The following CCSER2 variants were observed in gnomAD, a reference collection of about 807,000 sequenced individuals.
CCSER2 encodes serine-rich coiled-coil domain-containing protein 2.
Under a neutral mutation model 92.3 loss-of-function variants are expected in CCSER2, and 46 were observed. The ratio of observed to expected loss-of-function variants is 0.50; its 90% confidence interval spans 0.39 to 0.64. CCSER2 has a LOEUF of 0.64. Among genes scored for constraint, CCSER2 ranks in the 30% least tolerant of loss-of-function variants. The probability of loss-of-function intolerance (pLI) is 0.00; values close to 1 mark genes in which losing one functional copy is unlikely to be tolerated. For synonymous variants in CCSER2, 433 were observed against 431.4 expected (o/e 1.00, Z -0.04); for missense variants, 1,244 against 1,238.9 (o/e 1.00, Z -0.06).
chr10:84,423,564 C>T (rs1462665297), intron 4 of CCSER2, among the ~76,000 whole-genome samples: 1 of 152,176 alleles, frequency 6.6e-6, no homozygotes, highest in Non-Finnish European at 1.5e-5. Flanking sequence ...GCTTCTTCCT[C>T]TGTGTGGACT....
chr10:84,344,196 T>C (rs1022015189), intron 1 of CCSER2, among the ~76,000 whole-genome samples: 1 of 152,218 alleles, frequency 6.6e-6, no homozygotes, highest in African/African-American at 2.4e-5. Flanking sequence ...TAATAGTAGA[T>C]CTTAGATAGG....
chr10:84,443,483 C>T (rs1434291764), intron 6 of CCSER2, among the ~76,000 whole-genome samples: 1 of 152,152 alleles, frequency 6.6e-6, no homozygotes, highest in African/African-American at 2.4e-5. Flanking sequence ...CATTAAAAGT[C>T]AGGAGACAAC....
chr10:84,457,253 ATATAAAATATATTATATATAATATATT>A (rs1564684237), intron 6 of CCSER2, among the ~76,000 whole-genome samples: 74 of 41,130 alleles, frequency 1.8e-3, no homozygotes, highest in African/African-American at 5.7e-3. Flanking sequence ...ATTATATATT[ATATAAAATATATTATATATAATATATT>A]ATATATTATA....
Position 84,355,861 on chromosome 10 carries a change from T to G in CCSER2, c.-39-15153T>G, listed in dbSNP as rs1845139174. 3.9e-5 allele frequency among the ~76,000 whole-genome samples: 6 copies of G among 152,208 alleles called. No individual in the cohort carries two copies. The South Asian group carries it at 1.2e-3, about 32-fold the overall frequency. On this transcript the variant is annotated intron_variant, in intron 1 of 9. Transcript: ENST00000372088. ...CTCACGCCTGTAATCCCAGCACTTT[T>G]GGAGGCTGAGGTGGGTGGATCACCT...
chr10:84,416,296 C>G (rs1842883506), intron 3 of CCSER2, among the ~76,000 whole-genome samples: 1 of 152,122 alleles, frequency 6.6e-6, no homozygotes, highest in Admixed American at 6.5e-5. Context: ...GTGTGAGAAC[C>G]TGGATATTTC....
At chr10:84,409,064 C>G (rs989922113) in intron 3 of CCSER2, among the ~76,000 whole-genome samples, 1 of 152,072 alleles carries the variant, frequency 6.6e-6, no homozygotes, top group East Asian at 1.9e-4. Flanking sequence ...GATCTCGGCT[C>G]ACTGCAACCT....
intron 7 of CCSER2, among the ~76,000 whole-genome samples, chr10:84,469,125 A>C (rs964324124): frequency 6.6e-6 from 1 of 152,174 alleles, no homozygotes; most frequent in South Asian, 2.1e-4. Context: ...TGCATGGATT[A>C]TCAATAGCTT....
In CCSER2 at chr10:84,340,780, T is replaced by C. The variant is rs533692678; in HGVS notation, c.-40+11972T>C. 7.9e-5 allele frequency among the ~76,000 whole-genome samples: 12 copies of C among 152,258 alleles called. 1 individual carries two copies. In the South Asian group the frequency reaches 2.5e-3, roughly 32 times the overall value. On this transcript the variant is annotated intron_variant, in intron 1 of 9. Coordinates refer to ENST00000372088, the MANE Select transcript of CCSER2 (RefSeq NM_001284240.2). ...ATCTTACAAGTTATTTAGGTTTCTC[T>C]GTAGTATCTGTAGGTCTTACTTCTA...
In CCSER2 at chr10:84,438,426, ATCAC is replaced by A. The variant is rs1362595179; in HGVS notation, c.1869-84_1869-81del. 9.0e-6 allele frequency: 7 copies of A among 774,518 alleles called. No individual in the cohort carries two copies. In the African/African-American group the frequency reaches 1.2e-4, roughly 13 times the overall value. The allele number at this position is 774,518 out of a possible 1,614,324, so 48.0% of individuals were successfully genotyped here. On this transcript the variant is annotated intron_variant, in intron 5 of 9. Transcript: ENST00000372088. The stretch of plus-strand genomic sequence containing the variant: ...TGATAATGATAAGTGATTTGTAATA[ATCAC>A]TGCAATAATTTCATTATCTTTATTT...
intron 1 of CCSER2, among the ~76,000 whole-genome samples, chr10:84,341,900 G>T (rs990629189): frequency 3.9e-5 from 6 of 152,228 alleles, no homozygotes; most frequent in East Asian, 3.8e-4. Flanking sequence ...ATGGAAAGGG[G>T]CATGGAGCTT....
At chr10:84,383,840 A>G (rs80128099) in intron 3 of CCSER2, among the ~76,000 whole-genome samples, 12 of 152,354 alleles carry the variant, frequency 7.9e-5, no homozygotes, top group South Asian at 2.1e-4. Context: ...AAAATGATCA[A>G]TGAAATGAAA....
intron 9 of CCSER2, among the ~76,000 whole-genome samples, chr10:84,510,422 C>T (rs1473101134): frequency 1.3e-5 from 2 of 152,146 alleles, no homozygotes; most frequent in Non-Finnish European, 2.9e-5. Context: ...CTTATTGTCT[C>T]CCTCACTAAG....
chr10:84,328,843 G>T, intron 1 of CCSER2, 35 bp downstream of exon 1: 1 of 152,368 alleles, frequency 6.6e-6, no homozygotes, highest in South Asian at 1.9e-4. Context: ...GCCGGGGCCG[G>T]GGTCGCGGCG....
intron 1 of CCSER2, among the ~76,000 whole-genome samples, chr10:84,352,738 G>A (rs1298528731): frequency 1.3e-5 from 2 of 151,768 alleles, no homozygotes; most frequent in Non-Finnish European, 2.9e-5. Context: ...TGTGAAATGG[G>A]AATAAATATA....
chr10:84,455,535 C>G (rs1845565784), intron 6 of CCSER2: 10 of 361,294 alleles, frequency 2.8e-5, no homozygotes, highest in South Asian at 2.4e-4. Flanking sequence ...CTCAGCCTCC[C>G]AAAGTGCTGG....
intron 6 of CCSER2, among the ~76,000 whole-genome samples, chr10:84,439,937 G>A (rs1312887368): frequency 6.6e-6 from 1 of 152,082 alleles, no homozygotes; most frequent in African/African-American, 2.4e-5. Context: ...GAGGTGGTAG[G>A]GAATGGTGGG....
chr10:84,511,426 C>T (rs1849340968), intron 9 of CCSER2, among the ~76,000 whole-genome samples: 1 of 152,132 alleles, frequency 6.6e-6, no homozygotes, highest in Admixed American at 6.6e-5. Context: ...CAGTTTATTA[C>T]CTGTCTTAAT....
Position 84,372,461 on chromosome 10 carries a change from G to A in CCSER2, c.1409G>A (p.Ser470Asn), listed in dbSNP as rs758580416. The change falls in exon 2 of 10, where the codon AGT becomes AAT. Residue 470 changes from serine (S) to asparagine (N), a missense_variant. By Grantham distance (46) the Ser-to-Asn change is conservative (BLOSUM62 1). Transcript: ENST00000372088. ...AAAACTGATGAATGGATAGATATAA[G>A]TGTCTCTGGTAAATATTACTTACCT... ...FSKTDEWIDI[S>N]VSDRSECTKH... is the part of the protein sequence containing the mutation. 17 of 1,542,404 alleles carry A rather than the reference G, an allele frequency of 1.1e-5. No homozygotes were observed. In the South Asian group the frequency reaches 1.6e-4, roughly 15 times the overall value.
chr10:84,412,853 T>C (rs1842721430), intron 3 of CCSER2, among the ~76,000 whole-genome samples: 1 of 152,232 alleles, frequency 6.6e-6, no homozygotes, highest in Non-Finnish European at 1.5e-5. Flanking sequence ...CTCTTCCAGC[T>C]ACTCAGCTTT....
Sources: allele counts gnomAD v4.1 joint callset (sites outside exome capture counted in the v4.1 genomes callset), GRCh38; gene constraint gnomAD v4.1.1; transcripts MANE v1.5; gene names NCBI Gene and HGNC (gene_info 2026-07-23, HGNC 2026-07-21).